NOL4: variants seen among roughly 807,000 people sequenced by gnomAD.
The protein encoded by NOL4 is cancer/testis antigen 125.
NOL4 carries 17 observed loss-of-function variants against 75.9 expected under a neutral mutation model. That is an observed-to-expected ratio of 0.22 (90% CI 0.15 to 0.34). NOL4 has a LOEUF of 0.34. Ranked by LOEUF, NOL4 falls within the 10% of genes least tolerant of loss-of-function variation. The pLI, the probability that NOL4 is intolerant of heterozygous loss-of-function variation, is 1.00. For missense variants in NOL4, 614 were observed against 793.5 expected (o/e 0.77, Z 2.72); for synonymous variants, 292 against 289.9 (o/e 1.01, Z -0.07).
intron 1 of NOL4, among the ~76,000 whole-genome samples, chr18:34,171,595 C>A (rs898988512): frequency 6.6e-6 from 1 of 152,074 alleles, no homozygotes; most frequent in East Asian, 1.9e-4. Flanking sequence ...TGTTAAAAGT[C>A]CAATTAGGTT....
chr18:34,054,987 A>G (rs1356379950), intron 5 of NOL4, among the ~76,000 whole-genome samples: 3 of 149,388 alleles, frequency 2.0e-5, no homozygotes, highest in Non-Finnish European at 4.5e-5. Context: ...TTTTATATAT[A>G]ACATATTAAA....
chr18:34,026,218 G>A (rs2075332965), intron 5 of NOL4, among the ~76,000 whole-genome samples: 1 of 152,112 alleles, frequency 6.6e-6, no homozygotes, highest in Non-Finnish European at 1.5e-5. Flanking sequence ...TAGACAATGA[G>A]AGACACTGGA....
intron 10 of NOL4, among the ~76,000 whole-genome samples, chr18:33,872,258 AT>A (rs1174288506): frequency 6.6e-6 from 1 of 151,994 alleles, no homozygotes; most frequent in Non-Finnish European, 1.5e-5. Context: ...TTCTTTTAAA[AT>A]TTGTTTTGTT....
At chr18:34,097,380 T>C (rs1236189116) in intron 4 of NOL4, among the ~76,000 whole-genome samples, 1 of 151,058 alleles carries the variant, frequency 6.6e-6, no homozygotes, top group African/African-American at 2.4e-5. Context: ...TAGATCCTGT[T>C]AAAAATTCAT....
At chr18:33,927,661 T>C (rs536311302) in intron 9 of NOL4, among the ~76,000 whole-genome samples, 71 of 152,308 alleles carry the variant, frequency 4.7e-4, no homozygotes, top group Middle Eastern at 3.4e-3. Flanking sequence ...AGTTGATCTT[T>C]TGTCATGAAA....
chr18:33,979,238 G>A (rs2071748485), intron 6 of NOL4, among the ~76,000 whole-genome samples: 1 of 151,744 alleles, frequency 6.6e-6, no homozygotes, highest in African/African-American at 2.4e-5. Context: ...CATAAACAAA[G>A]TCACCCCCCA....
At chr18:33,915,908 A>G (rs775681709) in intron 9 of NOL4, among the ~76,000 whole-genome samples, 6 of 152,100 alleles carry the variant, frequency 3.9e-5, no homozygotes, top group African/African-American at 1.4e-4. Context: ...ACATGATTTC[A>G]TTTAGTTTTC....
At chr18:34,094,419 C>A (rs966345176) in intron 4 of NOL4, among the ~76,000 whole-genome samples, 1 of 152,108 alleles carries the variant, frequency 6.6e-6, no homozygotes, top group African/African-American at 2.4e-5. Context: ...AAGAGGAGTT[C>A]TAGGTAAAAT....
intron 2 of NOL4, among the ~76,000 whole-genome samples, chr18:34,127,614 C>T (rs1003156822): frequency 6.6e-6 from 1 of 151,820 alleles, no homozygotes; most frequent in Non-Finnish European, 1.5e-5. Flanking sequence ...AGCACTAAAC[C>T]GTTCTATTTC....
Position 33,852,580 on chromosome 18 carries a change from T to C in NOL4, c.*262A>G. The C allele has an allele frequency of 3.5e-6, 1 of 289,286 alleles. No homozygotes were observed. The highest frequency in any genetic ancestry group is 6.4e-6 in the Non-Finnish European group (1 of 156,530). 17.9% of individuals were successfully genotyped at this position (289,286 alleles called of 1,614,324 possible). On this transcript the variant is annotated 3_prime_UTR_variant, in exon 11 of 11. Coordinates refer to ENST00000261592, the MANE Select transcript of NOL4 (RefSeq NM_003787.5). ...CCTTGAATTAAGAATAGATAGCCTT[T>C]TATGCCCCTGATATTTATGGTGACA... is the stretch of plus-strand genomic sequence containing the variant.
chr18:33,939,080 T>C (rs1362327617), intron 9 of NOL4, among the ~76,000 whole-genome samples: 1 of 152,130 alleles, frequency 6.6e-6, no homozygotes, highest in East Asian at 1.9e-4. Flanking sequence ...AAAGATGAGA[T>C]GGTTGTAGAT....
At chr18:33,864,126 C>A (rs553719037) in intron 10 of NOL4, among the ~76,000 whole-genome samples, 214 of 152,254 alleles carry the variant, frequency 1.4e-3, no homozygotes, top group African/African-American at 5.0e-3. Flanking sequence ...GCCCAGGAAA[C>A]CATTTGTTCC....
At chr18:34,111,593 G>A (rs556710190) in intron 2 of NOL4, among the ~76,000 whole-genome samples, 22 of 151,944 alleles carry the variant, frequency 1.4e-4, no homozygotes, top group Middle Eastern at 3.4e-3. Context: ...ATAACTATGG[G>A]TAATAAATTT....
intron 9 of NOL4, 63 bp downstream of exon 9, chr18:33,943,002 T>C: frequency 1.8e-6 from 2 of 1,109,444 alleles, no homozygotes; most frequent in Non-Finnish European, 2.7e-6. Flanking sequence ...TCAACATAAA[T>C]CAAATTAAAT....
At position 34,019,527 on chromosome 18, in the gene NOL4, T is replaced by C. The variant is rs1390018412; in HGVS notation, c.847A>G (p.Ser283Gly). 1 of 1,613,974 alleles carries C rather than the reference T, an allele frequency of 6.2e-7. No individual in the cohort carries two copies. Among genetic ancestry groups the C allele is most frequent in the Non-Finnish European group, 8.5e-7 (1 of 1,179,988 alleles). Residue 283 changes from serine (S) to glycine (G), a missense_variant, in exon 6 of 11, where the codon AGC becomes GGC. Physicochemically the swap from Ser to Gly is moderately conservative, Grantham distance 56 (BLOSUM62 0). Transcript: ENST00000261592. ...HSSIASGGTH[S>G]REMGDSNSDG... ...CTGTTGGAGTCTCCCATCTCCCTGC[T>C]GTGTGTTCCCCCTGAAGCAATTGAA...
At chr18:34,130,086 A>T (rs534022529) in intron 1 of NOL4, 66 bp from the exon 2 acceptor site, 13 of 1,371,802 alleles carry the variant, frequency 9.5e-6, no homozygotes, top group Non-Finnish European at 9.5e-7. Flanking sequence ...TTAATACACA[A>T]ATTGTTTAAA....
intron 10 of NOL4, among the ~76,000 whole-genome samples, chr18:33,860,199 G>A (rs539277991): frequency 5.9e-5 from 9 of 151,978 alleles, no homozygotes; most frequent in Non-Finnish European, 1.2e-4. Flanking sequence ...TTCCCACCAG[G>A]TCCCTCCCAA....
chr18:34,055,054 C>T (rs2076779006), intron 5 of NOL4, among the ~76,000 whole-genome samples: 1 of 150,716 alleles, frequency 6.6e-6, no homozygotes, highest in Non-Finnish European at 1.5e-5. Flanking sequence ...CTTATTGTCC[C>T]TACTTTTATG....
At chr18:34,072,012 C>T (rs952703198) in intron 5 of NOL4, among the ~76,000 whole-genome samples, 1 of 152,126 alleles carries the variant, frequency 6.6e-6, no homozygotes, top group Admixed American at 6.6e-5. Flanking sequence ...GCCTGCAGAT[C>T]ATGAGGTCAG....
Sources: gnomAD v4.1 joint callset for allele counts (sites outside exome capture counted in the v4.1 genomes callset) on GRCh38, gnomAD v4.1.1 for gene constraint, MANE v1.5 for transcripts, NCBI Gene and HGNC (gene_info 2026-07-23, HGNC 2026-07-21) for gene names.